Variants in MPI observed in about 807,000 individuals in gnomAD.
The protein encoded by MPI is mannose-6-phosphate isomerase.
In MPI, 33 loss-of-function variants were observed where a neutral mutation model predicts 40.1. The observed-to-expected ratio is 0.82, with a 90% CI of 0.62 to 1.10. MPI has a LOEUF of 1.10. Among genes scored for constraint, MPI ranks in the 50% least tolerant of loss-of-function variants. The pLI, the probability that MPI is intolerant of heterozygous loss-of-function variation, is 0.00. For missense variants in MPI, 514 were observed against 524.1 expected (o/e 0.98, Z 0.19); for synonymous variants, 187 against 207.4 (o/e 0.90, Z 0.85).
In MPI at chr15:74,896,297, C is replaced by G. The variant is rs2064817492; in HGVS notation, c.816C>G (p.Ala272=). The G allele has an allele frequency of 6.2e-7, 1 of 1,614,184 alleles. No homozygotes were observed. Among genetic ancestry groups the G allele is most frequent in the South Asian group, 1.1e-5 (1 of 91,088 alleles). ...LKPGEAMFLE[A]NVPHAYLKGD... ...CTGGGGAGGCCATGTTTCTGGAGGC[C>G]AACGTACCCCATGCCTACCTGAAAG... Residue 272 remains alanine, a synonymous_variant, in exon 6 of 8, where the codon GCC becomes GCG. Coordinates refer to ENST00000352410, the MANE Select transcript of MPI (RefSeq NM_002435.3).
In MPI at chr15:74,900,000, T is replaced by C. The variant is rs974250746; in HGVS notation, c.*2270T>C. 6.6e-6 allele frequency: 1 copy of C among 152,246 alleles called. No individual in the cohort carries two copies. Among genetic ancestry groups the C allele is most frequent in the Non-Finnish European group, 1.5e-5 (1 of 68,046 alleles). 9.4% of individuals were successfully genotyped at this position (152,246 alleles called of 1,614,324 possible). Reference sequence around the variant, plus strand: ...CACAGACACAGCTCAACTAGTGTGATTGCATTTATTCTTATAAATGTACAG... The same window carrying C: ...CACAGACACAGCTCAACTAGTGTGACTGCATTTATTCTTATAAATGTACAG... On this transcript the variant is annotated 3_prime_UTR_variant, in exon 8 of 8. Coordinates refer to ENST00000352410, the MANE Select transcript of MPI (RefSeq NM_002435.3).
chr15:74,891,795 GGA>G (rs958347413), intron 3 of MPI, among the ~76,000 whole-genome samples: 2 of 152,164 alleles, frequency 1.3e-5, no homozygotes, highest in African/African-American at 4.8e-5. Flanking sequence ...CTGTGCCAGG[GGA>G]GTTTCTCTAA....
In MPI at chr15:74,894,795, AAAAAAG is replaced by A. The variant is rs1297298170; in HGVS notation, c.671-1339_671-1334del. ...GAGCAAGACTCCGATTCGGAAAAAA[AAAAAAG>A]AAAAAGAAAAAGAAAAAAAATTTAA... On this transcript the variant is annotated intron_variant, in intron 5 of 7. Coordinates refer to ENST00000352410, the MANE Select transcript of MPI (RefSeq NM_002435.3). 1.9e-4 allele frequency among the ~76,000 whole-genome samples: 28 copies of A among 149,272 alleles called. No individual in the cohort carries two copies. The South Asian group carries it at 1.9e-3, about 10-fold the overall frequency.
intron 5 of MPI, among the ~76,000 whole-genome samples, chr15:74,895,129 C>CTTTTTTTTT (rs71140110): frequency 1.1e-4 from 12 of 110,564 alleles, no homozygotes; most frequent in Admixed American, 1.9e-4. Flanking sequence ...CCACACCTGG[C>CTTTTTTTTT]TTTTTTTTTT....
chr15:74,898,918 T>C lies in MPI; in HGVS notation c.*1188T>C, dbSNP rs538111152. The C allele has an allele frequency of 6.6e-6, 1 of 152,404 alleles. No individual in the cohort carries two copies. The highest frequency in any genetic ancestry group is 1.9e-4 in the East Asian group (1 of 5,178). 9.4% of individuals were successfully genotyped at this position (152,404 alleles called of 1,614,324 possible). ...GGCCAGTTCTGGCCATACCTGTTCA[T>C]TTCCATACTGTCTGGCTGCTTTCAA... is the stretch of plus-strand genomic sequence containing the variant. On this transcript the variant is annotated 3_prime_UTR_variant, in exon 8 of 8. Transcript: ENST00000352410.
chr15:74,895,574 C>CA (rs1014670944), intron 5 of MPI: 1 of 151,954 alleles, frequency 6.6e-6, no homozygotes, highest in African/African-American at 2.5e-5. Flanking sequence ...GCCTGGGTGA[C>CA]AGCGAGACCC....
intron 5 of MPI, 72 bp downstream of exon 5, chr15:74,893,392 G>T: frequency 6.4e-7 from 1 of 1,564,598 alleles, no homozygotes. Flanking sequence ...CAGACTCTGG[G>T]GACAGTTCTC....
chr15:74,891,356 TC>T, intron 2 of MPI, 22 bp from the exon 3 acceptor site: 7 of 1,612,490 alleles, frequency 4.3e-6, no homozygotes, highest in Non-Finnish European at 5.9e-6. Context: ...CCCCTTCCCC[TC>T]CCAAGTTTCC....
At chr15:74,896,830 AT>A in intron 6 of MPI, 180 bp from the exon 7 acceptor site, 2 of 687,894 alleles carry the variant, frequency 2.9e-6, no homozygotes, top group Non-Finnish European at 5.2e-6. Flanking sequence ...TCTGACAATA[AT>A]GGGTGACCTG....
In MPI at chr15:74,896,301, G is replaced by T; in HGVS notation, c.820G>T (p.Val274Leu). The T allele has an allele frequency of 6.2e-7, 1 of 1,614,134 alleles. No homozygotes were observed. Among genetic ancestry groups the T allele is most frequent in the Non-Finnish European group, 8.5e-7 (1 of 1,180,040 alleles). The change falls in exon 6 of 8, where the codon GTA becomes TTA. Residue 274 changes from valine (V) to leucine (L), a missense_variant. Transcript: ENST00000352410. ...GGAGGCCATGTTTCTGGAGGCCAAC[G>T]TACCCCATGCCTACCTGAAAGGAGG... ...PGEAMFLEAN[V>L]PHAYLKGDCV...
chr15:74,895,939 C>G (rs1159311031), intron 5 of MPI: 1 of 603,392 alleles, frequency 1.7e-6, no homozygotes, highest in Non-Finnish European at 3.0e-6. Context: ...TATGAATAGT[C>G]AAGATATGAT....
At position 74,890,084 on chromosome 15, in the gene MPI, C is replaced by G. The variant is rs1567263775; in HGVS notation, c.11C>G (p.Pro4Arg). The G allele has an allele frequency of 1.2e-6, 2 of 1,608,014 alleles. No individual in the cohort carries two copies. The highest frequency in any genetic ancestry group is 1.7e-6 in the Non-Finnish European group (2 of 1,179,966). Residue 4 changes from proline to arginine, a missense_variant, in exon 1 of 8, where the codon CCG (proline) becomes CGG (arginine). Pro to Arg is a moderately radical substitution (Grantham distance 103, BLOSUM62 -2). Coordinates refer to ENST00000352410, the MANE Select transcript of MPI (RefSeq NM_002435.3). Reference sequence around the variant, plus strand: ...GTGCAGGGGGCGAGCATGGCCGCTCCGCGAGGTGAGCCATTGGCTGGGGTG... The same window carrying G: ...GTGCAGGGGGCGAGCATGGCCGCTCGGCGAGGTGAGCCATTGGCTGGGGTG... MAA[P>R]RVFPLSCAVQ...
chr15:74,894,535 C>A (rs1215747676), intron 5 of MPI, among the ~76,000 whole-genome samples: 1 of 149,640 alleles, frequency 6.7e-6, no homozygotes, highest in East Asian at 2.0e-4. Flanking sequence ...ACTAAAGATA[C>A]AAAAATTAGC....
chr15:74,897,250 G>A lies in MPI; in HGVS notation c.1053+31G>A, dbSNP rs12593975. ...TGAGGGGCTATGATGGGTGTCCTTC[G>A]TGTGCCATGAAAATCTCTGGCAAGG... On this transcript the variant is annotated intron_variant, in intron 7 of 7. Coordinates refer to ENST00000352410, the MANE Select transcript of MPI (RefSeq NM_002435.3). 135,957 of 1,606,660 alleles carry A rather than the reference G, an allele frequency of 0.085. 11,890 individuals carry two copies. The highest frequency in any genetic ancestry group is 0.34 in the East Asian group (15,386 of 44,836).
chr15:74,894,035 GTTCAGTGTGTGTGTGT>G lies in MPI; in HGVS notation c.670+716_670+731del, dbSNP rs1567267005. On this transcript the variant is annotated intron_variant, in intron 5 of 7. Transcript: ENST00000352410. Reference sequence around the variant, plus strand: ...ATTTGACCCAAGCATATTTTTTTCTGTTCAGTGTGTGTGTGTGTGTGTGTGTGTGTGTGTGTGTGTG... The same window carrying G: ...ATTTGACCCAAGCATATTTTTTTCTGGTGTGTGTGTGTGTGTGTGTGTGTG... Among the ~76,000 whole-genome samples, 4 of 90,954 alleles carry G rather than the reference GTTCAGTGTGTGTGTGT, an allele frequency of 4.4e-5. 1 individual carries two copies. Among genetic ancestry groups the G allele is most frequent in the South Asian group, 3.0e-4 (1 of 3,378 alleles). The allele number at this position is 90,954 out of a possible 152,430, so 59.7% of individuals were successfully genotyped here. A position where few individuals can be genotyped will look rare whatever the true frequency, so the allele number is the denominator to read the frequency against.
Position 74,893,141 on chromosome 15 carries a change from T to C in MPI, c.491T>C (p.Val164Ala). 1 of 1,613,736 alleles carries C rather than the reference T, an allele frequency of 6.2e-7. No individual in the cohort carries two copies. The highest frequency in any genetic ancestry group is 2.2e-5 in the East Asian group (1 of 44,884). Residue 164 changes from valine to alanine, a missense_variant, in exon 5 of 8, where the codon GTG becomes GCG. Physicochemically the swap from Val to Ala is moderately conservative, Grantham distance 64. Transcript: ENST00000352410. ...VEEIVTFLKK[V>A]PEFQFLIGDE... ...CCTGGGCCTTGCCTTCCTGTAGAGG[T>C]GCCTGAGTTTCAGTTCCTGATTGGA...
At position 74,900,033 on chromosome 15, in the gene MPI, G is replaced by A. The variant is rs567391613; in HGVS notation, c.*2303G>A. On this transcript the variant is annotated 3_prime_UTR_variant, in exon 8 of 8. Transcript: ENST00000352410. ...ATTCTTATAAATGTACAGAGCTGTA[G>A]AAGTGCAAGCCAAGAGTTCTATAGA... is the stretch of plus-strand genomic sequence containing the variant. 6.6e-6 allele frequency: 1 copy of A among 152,226 alleles called. No homozygotes were observed. Among genetic ancestry groups the A allele is most frequent in the Non-Finnish European group, 1.5e-5 (1 of 68,048 alleles). 9.4% of individuals were successfully genotyped at this position (152,226 alleles called of 1,614,324 possible).
Position 74,891,479 on chromosome 15 carries a change from TGG to T in MPI, c.247_248del (p.Gly83LeufsTer8). 1 of 1,614,222 alleles carries T rather than the reference TGG, an allele frequency of 6.2e-7. No homozygotes were observed. Among genetic ancestry groups the T allele is most frequent in the Non-Finnish European group, 8.5e-7 (1 of 1,180,040 alleles). On this transcript the variant is annotated frameshift_variant, in exon 3 of 8. Coordinates refer to ENST00000352410, the MANE Select transcript of MPI (RefSeq NM_002435.3). LOFTEE classifies it high-confidence loss of function. ...TGGATTGCTGAGAACCAGGACAGCTTGGGCTCAAAGGTCAAGGACACCTTTAA... is the reference window on the plus strand; with the variant it reads ...TGGATTGCTGAGAACCAGGACAGCTTGCTCAAAGGTCAAGGACACCTTTAA...
chr15:74,893,379 C>T, intron 5 of MPI, 59 bp downstream of exon 5: 1 of 1,579,176 alleles, frequency 6.3e-7, no homozygotes, highest in South Asian at 1.1e-5. Context: ...TCCCAGCAGA[C>T]ACCAGACTCT....
Sources: gnomAD v4.1 joint callset for allele counts (sites outside exome capture counted in the v4.1 genomes callset) on GRCh38, gnomAD v4.1.1 for gene constraint, MANE v1.5 for transcripts, NCBI Gene and HGNC (gene_info 2026-07-23, HGNC 2026-07-21) for gene names.